MYO16: variants seen among roughly 807,000 people sequenced by gnomAD.
The protein encoded by MYO16 is unconventional myosin-XVI.
MYO16 carries 94 observed loss-of-function variants against 205.3 expected under a neutral mutation model. The ratio of observed to expected loss-of-function variants is 0.46; its 90% CI spans 0.39 to 0.54. The LOEUF is 0.54. Among genes scored for constraint, MYO16 ranks in the 20% least tolerant of loss-of-function variants. MYO16 has a pLI of 0.00. For missense variants in MYO16, 2,315 were observed against 2,387.5 expected (o/e 0.97, Z 0.63); for synonymous variants, 988 against 954.0 (o/e 1.04, Z -0.66).
intron 2 of MYO16, among the ~76,000 whole-genome samples, chr13:108,672,322 A>T (rs1292592314): frequency 6.6e-6 from 1 of 152,242 alleles, no homozygotes; most frequent in Non-Finnish European, 1.5e-5. Context: ...AGTAAAAAAA[A>T]ATTGCCATAA....
At chr13:108,499,911 C>G in the MYO16 span, among the ~76,000 whole-genome samples, 1 of 152,180 alleles carries the variant, frequency 6.6e-6, no homozygotes, top group African/African-American at 2.4e-5. Flanking sequence ...TCATGGAAGT[C>G]CATTCCTGAG....
At chr13:108,798,649 A>C (rs2138960503) in intron 6 of MYO16, among the ~76,000 whole-genome samples, 1 of 147,988 alleles carries the variant, frequency 6.8e-6, no homozygotes, top group Admixed American at 6.7e-5. Flanking sequence ...TTACTGTGTT[A>C]GCACATAATT....
chr13:108,849,476 C>T (rs1877710584), intron 10 of MYO16, among the ~76,000 whole-genome samples: 1 of 152,048 alleles, frequency 6.6e-6, no homozygotes, highest in Non-Finnish European at 1.5e-5. Context: ...CAGGCATGAG[C>T]CACTGTGCCC....
At chr13:108,961,156 G>A (rs1020065734) in intron 17 of MYO16, among the ~76,000 whole-genome samples, 7 of 152,154 alleles carry the variant, frequency 4.6e-5, no homozygotes, top group African/African-American at 1.7e-4. Context: ...AGCGTCCAAC[G>A]TGAGCCTGGA....
intron 32 of MYO16, among the ~76,000 whole-genome samples, chr13:109,142,776 A>G (rs1369822602): frequency 6.6e-6 from 1 of 152,120 alleles, no homozygotes; most frequent in East Asian, 1.9e-4. Flanking sequence ...TGAAGTGGCC[A>G]ATGGGAAACC....
chr13:108,800,472 C>T (rs553408532), intron 6 of MYO16, among the ~76,000 whole-genome samples: 1 of 152,244 alleles, frequency 6.6e-6, no homozygotes, highest in South Asian at 2.1e-4. Context: ...TGCCCTCAGT[C>T]TCGAGGTAGA....
At chr13:109,038,425 C>T (rs963062351) in intron 23 of MYO16, among the ~76,000 whole-genome samples, 4 of 152,104 alleles carry the variant, frequency 2.6e-5, no homozygotes, top group African/African-American at 9.7e-5. Context: ...GCTACAATAT[C>T]AATCTCCTGC....
intron 16 of MYO16, among the ~76,000 whole-genome samples, chr13:108,956,799 A>C (rs1177953908): frequency 3.3e-5 from 5 of 151,908 alleles, no homozygotes; most frequent in African/African-American, 1.2e-4. Flanking sequence ...GCACACTTAT[A>C]CCTAGACTCT....
At chr13:108,904,647 C>T (rs886966717) in intron 15 of MYO16, among the ~76,000 whole-genome samples, 21 of 152,056 alleles carry the variant, frequency 1.4e-4, no homozygotes, top group Non-Finnish European at 1.6e-4. Flanking sequence ...TAGGGCTATA[C>T]GGTTTTTGTT....
chr13:109,039,977 C>T (rs904585502), intron 23 of MYO16, among the ~76,000 whole-genome samples: 1 of 151,948 alleles, frequency 6.6e-6, no homozygotes, highest in Non-Finnish European at 1.5e-5. Context: ...TAGCCAATAT[C>T]AGTAATAAAA....
the MYO16 span, among the ~76,000 whole-genome samples, chr13:108,582,032 GT>G: frequency 6.6e-6 from 1 of 152,112 alleles, no homozygotes; most frequent in Non-Finnish European, 1.5e-5. Flanking sequence ...GAGAGACTGT[GT>G]ATTATTTAGG....
At chr13:108,954,965 G>A (rs999738155) in intron 16 of MYO16, among the ~76,000 whole-genome samples, 2 of 152,144 alleles carry the variant, frequency 1.3e-5, no homozygotes, top group Admixed American at 6.5e-5. Flanking sequence ...ACCTGGGCAC[G>A]GCATCCTGCG....
intron 4 of MYO16, among the ~76,000 whole-genome samples, chr13:108,782,515 T>A (rs1013872031): frequency 7.9e-5 from 12 of 152,152 alleles, no homozygotes; most frequent in African/African-American, 2.2e-4. Context: ...AAAACCCATT[T>A]TTTGAGGAGA....
intron 19 of MYO16, among the ~76,000 whole-genome samples, chr13:108,962,722 C>T (rs1245308027): frequency 1.3e-5 from 2 of 152,178 alleles, no homozygotes; most frequent in African/African-American, 4.8e-5. Context: ...TAATCTGTCA[C>T]CTTAGAAAAA....
intron 27 of MYO16, among the ~76,000 whole-genome samples, chr13:109,071,236 A>AC (rs1490985588): frequency 2.0e-5 from 3 of 152,152 alleles, no homozygotes; most frequent in African/African-American, 7.2e-5. Context: ...ATATTTTCGC[A>AC]TTTATGACAA....
At chr13:109,015,490 G>A (rs1885776172) in intron 22 of MYO16, among the ~76,000 whole-genome samples, 1 of 152,174 alleles carries the variant, frequency 6.6e-6, no homozygotes, top group Admixed American at 6.5e-5. Flanking sequence ...ATGAGTTATG[G>A]TGGATTCCCT....
chr13:108,758,864 A>G (rs1885506835), intron 4 of MYO16, among the ~76,000 whole-genome samples: 2 of 152,228 alleles, frequency 1.3e-5, no homozygotes, highest in South Asian at 4.1e-4. Context: ...AGAATAGTGG[A>G]CATTCCTGAT....
intron 16 of MYO16, among the ~76,000 whole-genome samples, chr13:108,923,209 T>C (rs561406167): frequency 6.6e-6 from 1 of 152,202 alleles, no homozygotes; most frequent in African/African-American, 2.4e-5. Flanking sequence ...GGGGGCTGCG[T>C]GTATCCATCT....
chr13:108,879,893 G>A (rs980730509), intron 12 of MYO16, among the ~76,000 whole-genome samples: 1 of 152,148 alleles, frequency 6.6e-6, no homozygotes, highest in African/African-American at 2.4e-5. Flanking sequence ...GGGATGGCTG[G>A]GTCAAATGGT....
Sources: allele counts gnomAD v4.1 joint callset (sites outside exome capture counted in the v4.1 genomes callset), GRCh38; gene constraint gnomAD v4.1.1; transcripts MANE v1.5; gene names NCBI Gene and HGNC (gene_info 2026-07-23, HGNC 2026-07-21).